Variants in GALNT10 observed in about 807,000 individuals in gnomAD.
The protein encoded by GALNT10 is GalNAc transferase 10.
In GALNT10, 41 loss-of-function variants were observed where a neutral mutation model predicts 75.0. The ratio of observed to expected loss-of-function variants is 0.55; its 90% CI spans 0.43 to 0.71. The LOEUF is 0.71. GALNT10 is among the 30% of genes least tolerant of loss of function. The probability of loss-of-function intolerance (pLI) is 0.00; values close to 1 mark genes in which losing one functional copy is unlikely to be tolerated. For synonymous variants in GALNT10, 302 were observed against 313.0 expected (o/e 0.96, Z 0.37); for missense variants, 727 against 818.5 (o/e 0.89, Z 1.36).
At chr5:154,219,838 T>TCACACACACACACA (rs553301418) in intron 1 of GALNT10, among the ~76,000 whole-genome samples, 2 of 125,556 alleles carry the variant, frequency 1.6e-5, no homozygotes, top group African/African-American at 2.9e-5. Context: ...TCTCTCTCTC[T>TCACACACACACACA]CACACACACA....
At chr5:154,362,338 C>T (rs1409413621) in intron 4 of GALNT10, among the ~76,000 whole-genome samples, 5 of 152,144 alleles carry the variant, frequency 3.3e-5, no homozygotes, top group Non-Finnish European at 7.4e-5. Flanking sequence ...ACCTCCCAGC[C>T]CACGTTGCCT....
At chr5:154,283,549 CA>C (rs1485994813) in intron 1 of GALNT10, among the ~76,000 whole-genome samples, 1 of 152,172 alleles carries the variant, frequency 6.6e-6, no homozygotes, top group African/African-American at 2.4e-5. Context: ...CCAGGAGATT[CA>C]GAGCCTTTTG....
intron 6 of GALNT10, 51 bp downstream of exon 6, chr5:154,380,682 C>T: frequency 8.0e-7 from 1 of 1,248,584 alleles, no homozygotes; most frequent in Non-Finnish European, 1.1e-6. Context: ...GTGACCACTC[C>T]CAACACGCAC....
chr5:154,419,678 A>T lies in GALNT10; in HGVS notation c.*2706A>T, dbSNP rs1458991125. The T allele has an allele frequency of 6.6e-6, 1 of 152,272 alleles. No individual in the cohort carries two copies. The highest frequency in any genetic ancestry group is 6.5e-5 in the Admixed American group (1 of 15,284). The allele number at this position is 152,272 out of a possible 1,614,324, so 9.4% of individuals were successfully genotyped here. A position where few individuals can be genotyped will look rare whatever the true frequency, so the allele number is the denominator to read the frequency against. ...AAAGTATGTGGGAGGGGAAGGAAGG[A>T]CAGAACTTGACTGGCTCCATTTCAT... On this transcript the variant is annotated 3_prime_UTR_variant, in exon 12 of 12. Coordinates refer to ENST00000297107, the MANE Select transcript of GALNT10 (RefSeq NM_198321.4).
intron 4 of GALNT10, among the ~76,000 whole-genome samples, chr5:154,345,196 A>G (rs1383487193): frequency 6.6e-6 from 1 of 152,140 alleles, no homozygotes; most frequent in East Asian, 1.9e-4. Context: ...AATTGTGTAT[A>G]TTTAAGGTGT....
intron 1 of GALNT10, among the ~76,000 whole-genome samples, chr5:154,292,137 A>G (rs1322569977): frequency 6.6e-6 from 1 of 152,238 alleles, no homozygotes; most frequent in Non-Finnish European, 1.5e-5. Flanking sequence ...GCCTTCTATG[A>G]TAATTATCTG....
At chr5:154,385,400 T>C (rs1317325322) in intron 6 of GALNT10, among the ~76,000 whole-genome samples, 1 of 152,070 alleles carries the variant, frequency 6.6e-6, no homozygotes, top group Non-Finnish European at 1.5e-5. Flanking sequence ...CGTTTTATCC[T>C]CCCCTCAGTG....
At chr5:154,393,103 C>A (rs917383258) in intron 7 of GALNT10, 2 of 145,716 alleles carry the variant, frequency 1.4e-5, no homozygotes, top group African/African-American at 2.5e-5. Context: ...GACAGGATCT[C>A]ACACCGTTGC....
Position 154,416,041 on chromosome 5 carries a change from A to G in GALNT10, c.1653+109A>G, listed in dbSNP as rs567084003. On this transcript the variant is annotated intron_variant, in intron 11 of 11. Coordinates refer to ENST00000297107, the MANE Select transcript of GALNT10 (RefSeq NM_198321.4). The surrounding 1 kb of genome is among the most constrained non-coding windows in gnomAD (Gnocchi z 4.5). Reference sequence around the variant, plus strand: ...GCCCATCCACTTATTCATTTGTGCCACAAACCTACCATGCCGGATTTTGTA... The same window carrying G: ...GCCCATCCACTTATTCATTTGTGCCGCAAACCTACCATGCCGGATTTTGTA... 4 of 1,014,626 alleles carry G rather than the reference A, an allele frequency of 3.9e-6. No homozygotes were observed. The South Asian group carries it at 6.4e-5, about 16-fold the overall frequency. 62.9% of individuals were successfully genotyped at this position (1,014,626 alleles called of 1,614,324 possible). A position where few individuals can be genotyped will look rare whatever the true frequency, so the allele number is the denominator to read the frequency against.
At chr5:154,230,020 C>A (rs1238940708) in intron 1 of GALNT10, among the ~76,000 whole-genome samples, 2 of 148,470 alleles carry the variant, frequency 1.3e-5, no homozygotes, top group African/African-American at 4.9e-5. Context: ...GTCTCACTCT[C>A]AAGGGATCTT....
rs1399068176 is a variant in GALNT10 at position 154,412,844 on chromosome 5, C to T, written c.1387-45C>T. On this transcript the variant is annotated intron_variant, in intron 9 of 11. Coordinates refer to ENST00000297107, the MANE Select transcript of GALNT10 (RefSeq NM_198321.4). This position sits in a 1 kb window ranked among gnomAD's most constrained non-coding sequence, Gnocchi z 4.2. ...CACCTGGCAGGGACCCGGTGGGCACCTTAAGGCACCTCAGTGGTCCACTTC... is the reference window on the plus strand; with the variant it reads ...CACCTGGCAGGGACCCGGTGGGCACTTTAAGGCACCTCAGTGGTCCACTTC... The T allele has an allele frequency of 7.2e-7, 1 of 1,386,566 alleles. No homozygotes were observed. The highest frequency in any genetic ancestry group is 1.2e-5 in the South Asian group (1 of 86,190). 85.9% of individuals were successfully genotyped at this position (1,386,566 alleles called of 1,614,324 possible). A position where few individuals can be genotyped will look rare whatever the true frequency, so the allele number is the denominator to read the frequency against.
chr5:154,364,233 G>T (rs1297163629), intron 4 of GALNT10, among the ~76,000 whole-genome samples: 1 of 152,230 alleles, frequency 6.6e-6, no homozygotes, highest in Non-Finnish European at 1.5e-5. Context: ...ACCAGGGGCA[G>T]GGCTGAGATG....
intron 4 of GALNT10, among the ~76,000 whole-genome samples, chr5:154,339,920 G>C (rs1041013439): frequency 2.0e-5 from 3 of 152,200 alleles, no homozygotes; most frequent in Admixed American, 2.0e-4. Context: ...GCCCCCTTCT[G>C]TCATAGTCTT....
intron 4 of GALNT10, among the ~76,000 whole-genome samples, chr5:154,372,942 TC>T (rs1457623879): frequency 6.6e-6 from 1 of 152,158 alleles, no homozygotes; most frequent in Non-Finnish European, 1.5e-5. Flanking sequence ...AGCCTCGGTG[TC>T]TATTGGATGG....
At chr5:154,279,901 A>C (rs1295960893) in intron 1 of GALNT10, among the ~76,000 whole-genome samples, 1 of 152,170 alleles carries the variant, frequency 6.6e-6, no homozygotes, top group African/African-American at 2.4e-5. Flanking sequence ...ACTGCCATAT[A>C]ATCCAGCAAT....
At chr5:154,392,483 C>G (rs546543868) in intron 7 of GALNT10, 1 of 152,242 alleles carries the variant, frequency 6.6e-6, no homozygotes, top group Non-Finnish European at 1.5e-5. Context: ...AGGAGGCTCT[C>G]CTTCCATCCT....
intron 4 of GALNT10, among the ~76,000 whole-genome samples, chr5:154,366,884 A>G (rs1298465652): frequency 6.6e-6 from 1 of 151,818 alleles, no homozygotes; most frequent in Admixed American, 6.6e-5. Flanking sequence ...TAACCATGGT[A>G]TGTCATGCAG....
chr5:154,341,500 T>C (rs1158396058), intron 4 of GALNT10, among the ~76,000 whole-genome samples: 1 of 152,250 alleles, frequency 6.6e-6, no homozygotes, highest in African/African-American at 2.4e-5. Flanking sequence ...TCCAGTCTTC[T>C]CAGAAATTGT....
At chr5:154,288,708 A>G (rs978614656) in intron 1 of GALNT10, among the ~76,000 whole-genome samples, 4 of 152,260 alleles carry the variant, frequency 2.6e-5, no homozygotes, top group Non-Finnish European at 5.9e-5. Context: ...GAAAATAATT[A>G]CAGCTTTTGT....
Sources: gnomAD v4.1 joint callset for allele counts (sites outside exome capture counted in the v4.1 genomes callset) on GRCh38, gnomAD v4.1.1 for gene constraint, Gnocchi (gnomAD v3.1) non-coding constraint, MANE v1.5 for transcripts, NCBI Gene and HGNC (gene_info 2026-07-23, HGNC 2026-07-21) for gene names.